OR51B5: variants seen among roughly 807,000 people sequenced by gnomAD.
OR51B5 encodes the protein olfactory receptor family 51 subfamily B member 5.
For synonymous variants in OR51B5, 186 were observed against 144.8 expected, an observed-to-expected ratio of 1.28 and a Z score of -2.04; for missense variants, 456 against 374.6, an observed-to-expected ratio of 1.22 and a Z score of -1.79.
chr11:5,404,482 C>A (rs547555945), intron 1 of OR51B5, among the ~76,000 whole-genome samples: 2 of 152,098 alleles, frequency 1.3e-5, no homozygotes, highest in Non-Finnish European at 1.5e-5. Flanking sequence ...AAAATCCCAC[C>A]GATCAGCACT....
chr11:5,474,852 A>G (rs1170087795), intron 1 of OR51B5, among the ~76,000 whole-genome samples: 1 of 152,190 alleles, frequency 6.6e-6, no homozygotes, highest in Non-Finnish European at 1.5e-5. Flanking sequence ...TAAACAAATA[A>G]TTACATGCAT....
Position 5,454,248 on chromosome 11 carries a change from C to T in OR51B5, n.84+51321G>A, listed in dbSNP as rs1850914100. On this transcript the variant is annotated intron_variant and non_coding_transcript_variant, in intron 1 of 4. Coordinates refer to the OR51B5 transcript ENST00000415970. Reference sequence around the variant, plus strand: ...CCTGGCTGTACTTGCATTTTATGTGCCAATGATTGGGGTCTCCACAGTGCA... The same window carrying T: ...CCTGGCTGTACTTGCATTTTATGTGTCAATGATTGGGGTCTCCACAGTGCA... 1 of 1,614,152 alleles carries T rather than the reference C, an allele frequency of 6.2e-7. No homozygotes were observed. The highest frequency in any genetic ancestry group is 8.5e-7 in the Non-Finnish European group (1 of 1,180,012).
At chr11:5,403,933 G>C (rs1163582999) in intron 1 of OR51B5, among the ~76,000 whole-genome samples, 1 of 152,062 alleles carries the variant, frequency 6.6e-6, no homozygotes, top group African/African-American at 2.4e-5. Flanking sequence ...GTATTACATT[G>C]TCTTCAGTTA....
At chr11:5,488,126 C>A (rs1355168653) in intron 1 of OR51B5, among the ~76,000 whole-genome samples, 1 of 152,092 alleles carries the variant, frequency 6.6e-6, no homozygotes, top group African/African-American at 2.4e-5. Flanking sequence ...GGTACAAATA[C>A]AGTCATGGGC....
chr11:5,417,251 C>G (rs1348882179), intron 1 of OR51B5, among the ~76,000 whole-genome samples: 156 of 148,542 alleles, frequency 1.1e-3, no homozygotes, highest in Middle Eastern at 7.0e-3. Flanking sequence ...TGGATCCCTT[C>G]CTTACACCTT....
At chr11:5,368,387 T>A (rs1222049870) in intron 1 of OR51B5, among the ~76,000 whole-genome samples, 1 of 152,208 alleles carries the variant, frequency 6.6e-6, no homozygotes, top group Non-Finnish European at 1.5e-5. Flanking sequence ...TTGAATTATT[T>A]TAATGATTAA....
At chr11:5,342,004 T>C (rs1254635578), downstream of OR51B5, among the ~76,000 whole-genome samples, 1 of 152,234 alleles carries the variant, frequency 6.6e-6, no homozygotes, top group African/African-American at 2.4e-5. Flanking sequence ...AAATTCATTA[T>C]AATTTGATGG....
chr11:5,475,919 T>C (rs1016010725), intron 1 of OR51B5, among the ~76,000 whole-genome samples: 1 of 152,206 alleles, frequency 6.6e-6, no homozygotes, highest in Non-Finnish European at 1.5e-5. Context: ...CCATTGTATC[T>C]AGATCCATAG....
At chr11:5,470,306 C>A (rs953540702) in intron 1 of OR51B5, among the ~76,000 whole-genome samples, 29 of 152,134 alleles carry the variant, frequency 1.9e-4, no homozygotes, top group African/African-American at 7.0e-4. Context: ...ATCACTTCTT[C>A]CCCCCGAGGA....
At chr11:5,363,287 C>CTT in intron 1 of OR51B5, among the ~76,000 whole-genome samples, 2 of 140,122 alleles carry the variant, frequency 1.4e-5, no homozygotes, top group East Asian at 4.5e-4. Context: ...ACACACACAC[C>CTT]GGTGAGTGGA....
intron 1 of OR51B5, among the ~76,000 whole-genome samples, chr11:5,405,773 G>A (rs931138808): frequency 6.6e-6 from 1 of 152,176 alleles, no homozygotes; most frequent in African/African-American, 2.4e-5. Flanking sequence ...TTAATGGTGT[G>A]AGTCTGCCTC....
At chr11:5,347,399 C>T (rs6578609), upstream of OR51B5, among the ~76,000 whole-genome samples, 21 of 152,154 alleles carry the variant, frequency 1.4e-4, no homozygotes, top group African/African-American at 3.6e-4. Flanking sequence ...CCAACGTGAA[C>T]GCACATTCTG....
chr11:5,402,082 G>A (rs1849979359), intron 1 of OR51B5, among the ~76,000 whole-genome samples: 2 of 151,548 alleles, frequency 1.3e-5, no homozygotes, highest in South Asian at 4.2e-4. Flanking sequence ...TGCAATCCTG[G>A]CTCACTGCAA....
intron 1 of OR51B5, among the ~76,000 whole-genome samples, chr11:5,447,700 A>G (rs1042144510): frequency 7.2e-5 from 11 of 152,072 alleles, no homozygotes; most frequent in African/African-American, 2.7e-4. Flanking sequence ...GGCATTAGGA[A>G]GCTGGGGCAG....
chr11:5,493,356 A>G (rs1851605311), intron 1 of OR51B5, among the ~76,000 whole-genome samples: 1 of 152,154 alleles, frequency 6.6e-6, no homozygotes, highest in Non-Finnish European at 1.5e-5. Flanking sequence ...CTTTTTCTAA[A>G]AAGTCATCAT....
At chr11:5,365,920 G>T (rs971081763) in intron 1 of OR51B5, among the ~76,000 whole-genome samples, 3 of 152,168 alleles carry the variant, frequency 2.0e-5, no homozygotes, top group Non-Finnish European at 4.4e-5. Flanking sequence ...TGACTGACCA[G>T]AGAGGCATGA....
intron 1 of OR51B5, among the ~76,000 whole-genome samples, chr11:5,361,504 C>G (rs16913820): frequency 6.6e-6 from 1 of 151,978 alleles, no homozygotes; most frequent in East Asian, 1.9e-4. Flanking sequence ...ATGAACAGGT[C>G]GGTAAAGAAC....
chr11:5,373,977 G>A (rs1437456806), intron 1 of OR51B5, among the ~76,000 whole-genome samples: 1 of 152,214 alleles, frequency 6.6e-6, no homozygotes, highest in Non-Finnish European at 1.5e-5. Flanking sequence ...GAGGAGAGCA[G>A]TGGTTCTCCC....
chr11:5,367,873 C>G (rs1039882847), intron 1 of OR51B5, among the ~76,000 whole-genome samples: 7 of 152,132 alleles, frequency 4.6e-5, no homozygotes, highest in Admixed American at 3.9e-4. Flanking sequence ...CTTGTGCTTT[C>G]TGCCTATATC....
Sources: allele counts gnomAD v4.1 joint callset (sites outside exome capture counted in the v4.1 genomes callset), GRCh38; gene constraint gnomAD v4.1.1; transcripts MANE v1.5; gene names NCBI Gene and HGNC (gene_info 2026-07-23, HGNC 2026-07-21).